Variants in UGT1A10 observed in about 807,000 individuals in gnomAD.
UGT1A10 encodes the protein UDP-glucuronosyltransferase 1A10.
UGT1A10 carries 49 observed loss-of-function variants against 45.8 expected under a neutral mutation model. That is an observed-to-expected ratio of 1.07 (90% CI 0.85 to 1.36). The LOEUF is 1.36. Ranked by LOEUF, UGT1A10 falls within the 40% of genes most tolerant of loss-of-function variation. The probability of loss-of-function intolerance (pLI) is 0.00; values close to 1 mark genes in which losing one functional copy is unlikely to be tolerated. For missense variants in UGT1A10, 745 were observed against 668.6 expected (o/e 1.11, Z -1.26); for synonymous variants, 284 against 249.7 (o/e 1.14, Z -1.29).
chr2:233,660,107 C>G (rs114626705), intron 1 of UGT1A10, among the ~76,000 whole-genome samples: 263 of 152,318 alleles, frequency 1.7e-3, no homozygotes, highest in African/African-American at 6.1e-3. Context: ...TGTGAAGTCA[C>G]GCACAACATC....
chr2:233,669,776 C>T (rs184924487), intron 1 of UGT1A10, among the ~76,000 whole-genome samples: 5 of 152,224 alleles, frequency 3.3e-5, no homozygotes, highest in South Asian at 2.1e-4. Context: ...CTCCGCTTCC[C>T]GGGTTCAAGT....
chr2:233,674,819 G>A (rs1305912278), intron 1 of UGT1A10, among the ~76,000 whole-genome samples: 1 of 152,158 alleles, frequency 6.6e-6, no homozygotes, highest in African/African-American at 2.4e-5. Context: ...AGGCTTTCCG[G>A]CAAAGAGCCT....
intron 2 of UGT1A10, 25 bp downstream of exon 2, chr2:233,767,190 T>G: frequency 6.2e-7 from 1 of 1,613,838 alleles, no homozygotes; most frequent in Non-Finnish European, 8.5e-7. Flanking sequence ...TACCATGGCC[T>G]CATATCTATT....
At chr2:233,651,574 T>C (rs2073742557) in intron 1 of UGT1A10, among the ~76,000 whole-genome samples, 1 of 152,210 alleles carries the variant, frequency 6.6e-6, no homozygotes, top group African/African-American at 2.4e-5. Context: ...AAGAGTGCCC[T>C]TTGACAAAGA....
rs746130687 is a variant in UGT1A10 at position 233,713,609 on chromosome 2, A to G, written c.856-53425A>G. 4 of 1,613,842 alleles carry G rather than the reference A, an allele frequency of 2.5e-6. No individual in the cohort carries two copies. In the African/African-American group the frequency reaches 4.0e-5, roughly 16 times the overall value. On this transcript the variant is annotated intron_variant, in intron 1 of 4. Transcript: ENST00000344644. ...TAACGACCAATTCAGACCACATGACATTCCTGCAAAGGGTCAAGAACATGC... is the reference window on the plus strand; with the variant it reads ...TAACGACCAATTCAGACCACATGACGTTCCTGCAAAGGGTCAAGAACATGC...
chr2:233,677,977 T>C (rs1171780295), intron 1 of UGT1A10, among the ~76,000 whole-genome samples: 2 of 152,104 alleles, frequency 1.3e-5, no homozygotes, highest in Non-Finnish European at 2.9e-5. Flanking sequence ...CTCCATGGAA[T>C]ATGCAGCCAT....
intron 1 of UGT1A10, among the ~76,000 whole-genome samples, chr2:233,745,325 C>G (rs901195420): frequency 6.6e-6 from 1 of 151,822 alleles, no homozygotes; most frequent in African/African-American, 2.4e-5. Context: ...ACTAGAACTG[C>G]TATATCATGA....
intron 1 of UGT1A10, chr2:233,648,537 T>A (rs1422395733): frequency 5.9e-6 from 1 of 168,692 alleles, no homozygotes; most frequent in African/African-American, 2.4e-5. Flanking sequence ...CTCGGCTCAC[T>A]GCAAACTGCA....
rs750764093 is a variant in UGT1A10, at chr2:233,682,056, C to G, written c.855+44679C>G. 3.1e-6 allele frequency: 5 copies of G among 1,613,984 alleles called. No individual in the cohort carries two copies. The African/African-American group carries it at 5.3e-5, about 17-fold the overall frequency. ...CCCATGGATGGGAGCCACTGGTTCACCATGCAGTCGGTGGTGGAGAAACTC... is the reference window on the plus strand; with the variant it reads ...CCCATGGATGGGAGCCACTGGTTCAGCATGCAGTCGGTGGTGGAGAAACTC... On this transcript the variant is annotated intron_variant, in intron 1 of 4. Transcript: ENST00000344644.
At chr2:233,704,101 G>A (rs965515464) in intron 1 of UGT1A10, among the ~76,000 whole-genome samples, 1 of 151,892 alleles carries the variant, frequency 6.6e-6, no homozygotes, top group African/African-American at 2.4e-5. Context: ...ATGTTGGTCA[G>A]TCTGGTCTCA....
intron 1 of UGT1A10, among the ~76,000 whole-genome samples, chr2:233,679,551 T>TG (rs1559337922): frequency 2.0e-5 from 3 of 152,154 alleles, no homozygotes; most frequent in Non-Finnish European, 4.4e-5. Flanking sequence ...TCATCTTTTT[T>TG]TTTGTTTGTT....
intron 1 of UGT1A10, chr2:233,754,742 G>A: frequency 1.4e-6 from 1 of 717,428 alleles, no homozygotes; most frequent in Non-Finnish European, 2.2e-6. Context: ...CGTAGGACAT[G>A]CAGAAGGAAG....
At chr2:233,744,758 T>C (rs1487522872) in intron 1 of UGT1A10, among the ~76,000 whole-genome samples, 3 of 151,834 alleles carry the variant, frequency 2.0e-5, no homozygotes, top group Non-Finnish European at 4.4e-5. Flanking sequence ...ATGGAAATAG[T>C]TTTAACTTTG....
intron 1 of UGT1A10, among the ~76,000 whole-genome samples, chr2:233,709,770 T>C (rs1158323937): frequency 1.3e-5 from 2 of 152,254 alleles, no homozygotes; most frequent in Non-Finnish European, 1.5e-5. Flanking sequence ...ATTATTTACA[T>C]GCAATAAAGT....
intron 1 of UGT1A10, among the ~76,000 whole-genome samples, chr2:233,757,777 G>A (rs1409053330): frequency 6.6e-6 from 1 of 151,782 alleles, no homozygotes; most frequent in African/African-American, 2.4e-5. Flanking sequence ...TAATAAGCCT[G>A]TCATTCTGAT....
At chr2:233,639,870 T>C (rs1331426765) in intron 1 of UGT1A10, among the ~76,000 whole-genome samples, 2 of 152,248 alleles carry the variant, frequency 1.3e-5, no homozygotes, top group African/African-American at 4.8e-5. Flanking sequence ...TGATTAGTGA[T>C]GTGTAAATAA....
chr2:233,703,466 A>G (rs2075740155), intron 1 of UGT1A10, among the ~76,000 whole-genome samples: 1 of 151,304 alleles, frequency 6.6e-6, no homozygotes, highest in African/African-American at 2.4e-5. Context: ...TCTATTCTTT[A>G]TTATTTTCTG....
Position 233,693,326 on chromosome 2 carries a change from C to T in UGT1A10, c.855+55949C>T. ...TGCTGAGCGATCATTCCTAACTGCT[C>T]CTCAGACAGAGTACAGGAATAACAT... On this transcript the variant is annotated intron_variant, in intron 1 of 4. Transcript: ENST00000344644. 6.2e-7 allele frequency: 1 copy of T among 1,614,202 alleles called. No homozygotes were observed. Among genetic ancestry groups the T allele is most frequent in the Non-Finnish European group, 8.5e-7 (1 of 1,180,044 alleles).
chr2:233,746,172 C>A (rs766361306), intron 1 of UGT1A10, among the ~76,000 whole-genome samples: 1 of 151,822 alleles, frequency 6.6e-6, no homozygotes, highest in Non-Finnish European at 1.5e-5. Flanking sequence ...AAAATCTTGC[C>A]TGTAAGGAAT....
Sources: allele counts gnomAD v4.1 joint callset (sites outside exome capture counted in the v4.1 genomes callset), GRCh38; gene constraint gnomAD v4.1.1; transcripts MANE v1.5; gene names NCBI Gene and HGNC (gene_info 2026-07-23, HGNC 2026-07-21).